The following KDM7A variants were observed in gnomAD, a reference collection of about 807,000 sequenced individuals.
KDM7A encodes the protein lysine demethylase 7A.
A neutral mutation model predicts 114.8 loss-of-function variants in KDM7A; 28 were observed. The ratio of observed to expected loss-of-function variants is 0.24; its 90% confidence interval spans 0.18 to 0.33. The LOEUF is 0.33. KDM7A is among the 10% of genes least tolerant of loss of function. KDM7A has a pLI of 1.00. For synonymous variants in KDM7A, 423 were observed against 397.8 expected, an observed-to-expected ratio of 1.06 and a Z score of -0.75; for missense variants, 942 against 1,142.5, an observed-to-expected ratio of 0.82 and a Z score of 2.53.
chr7:140,127,077 A>G (rs1322700085), intron 5 of KDM7A, among the ~76,000 whole-genome samples: 2 of 152,188 alleles, frequency 1.3e-5, no homozygotes, highest in Admixed American at 1.3e-4. Flanking sequence ...CTCGTGCCTC[A>G]GCCTCTCTGA....
At chr7:140,094,018 T>A (rs1490292993) in intron 18 of KDM7A, 38 bp downstream of exon 18, 2 of 1,229,868 alleles carry the variant, frequency 1.6e-6, no homozygotes, top group African/African-American at 3.0e-5. Context: ...TAATGATCAT[T>A]TTAAATCTCC....
chr7:140,106,111 T>C (rs1353073279), intron 11 of KDM7A, among the ~76,000 whole-genome samples: 4 of 152,242 alleles, frequency 2.6e-5, no homozygotes, highest in Admixed American at 2.0e-4. Flanking sequence ...TGGTAGTTTG[T>C]ATTTCTGTGG....
chr7:140,110,969 A>C (rs889792788), intron 11 of KDM7A, 126 bp downstream of exon 11: 3 of 519,570 alleles, frequency 5.8e-6, no homozygotes, highest in Non-Finnish European at 9.9e-6. Context: ...ACCTCCAAAG[A>C]CTCAGCTCAT....
At chr7:140,104,852 G>A (rs1261660518) in intron 11 of KDM7A, among the ~76,000 whole-genome samples, 5 of 152,112 alleles carry the variant, frequency 3.3e-5, no homozygotes, top group Non-Finnish European at 7.4e-5. Flanking sequence ...AGCTTGATGG[G>A]GATGGCATTG....
At chr7:140,129,949 G>T (rs189170569) in intron 3 of KDM7A, among the ~76,000 whole-genome samples, 2 of 152,238 alleles carry the variant, frequency 1.3e-5, no homozygotes, top group Admixed American at 6.5e-5. Context: ...TGTACAAGTT[G>T]AGTATCCCTA....
intron 11 of KDM7A, 77 bp downstream of exon 11, chr7:140,111,018 G>T: frequency 1.3e-6 from 1 of 781,082 alleles, no homozygotes. Context: ...TTAAATATTT[G>T]TAGAGAGTGG....
At chr7:140,139,494 T>C (rs1394070752) in intron 1 of KDM7A, among the ~76,000 whole-genome samples, 1 of 152,102 alleles carries the variant, frequency 6.6e-6, no homozygotes, top group Non-Finnish European at 1.5e-5. Context: ...TTATTAAATG[T>C]CAATAAAATG....
intron 1 of KDM7A, among the ~76,000 whole-genome samples, chr7:140,144,733 A>C (rs1339221012): frequency 6.6e-6 from 1 of 151,772 alleles, no homozygotes; most frequent in Non-Finnish European, 1.5e-5. Context: ...ACACACACAC[A>C]CACACCCTCA....
Position 140,092,063 on chromosome 7 carries a change from G to C in KDM7A, c.2472C>G (p.Ser824Arg), listed in dbSNP as rs1162436935. ...AACCTTCCTTTCTGATGCATTTCTG[G>C]CTTCTACTTAGATCCTGAAGGAGGA... is the stretch of plus-strand genomic sequence containing the variant. ...SRFHPQDLSR[S>R]QKCIRKEGSS... Residue 824 changes from serine to arginine, a missense_variant, in exon 19 of 20, where the codon AGC (serine) becomes AGG (arginine). Ser to Arg is a moderately radical substitution (Grantham distance 110). Coordinates refer to ENST00000397560, the MANE Select transcript of KDM7A (RefSeq NM_030647.2). 3 of 1,614,034 alleles carry C rather than the reference G, an allele frequency of 1.9e-6. No homozygotes were observed. The highest frequency in any genetic ancestry group is 2.2e-5 in the East Asian group (1 of 44,878).
chr7:140,109,271 A>G (rs1243557667), intron 11 of KDM7A, among the ~76,000 whole-genome samples: 1 of 152,154 alleles, frequency 6.6e-6, no homozygotes, highest in East Asian at 1.9e-4. Context: ...GGCTGCACCC[A>G]CTGTCCAACA....
At chr7:140,164,208 C>A (rs1794549986) in intron 1 of KDM7A, among the ~76,000 whole-genome samples, 1 of 152,070 alleles carries the variant, frequency 6.6e-6, no homozygotes, top group Non-Finnish European at 1.5e-5. Flanking sequence ...CGGCAAAATC[C>A]AGAAAGTGGG....
intron 1 of KDM7A, among the ~76,000 whole-genome samples, chr7:140,166,317 G>A (rs1223023318): frequency 6.7e-6 from 1 of 150,160 alleles, no homozygotes; most frequent in Non-Finnish European, 1.5e-5. Flanking sequence ...ACATAAAATT[G>A]AGGAATACTT....
At chr7:140,132,929 T>C (rs776748351) in intron 3 of KDM7A, among the ~76,000 whole-genome samples, 31 of 152,350 alleles carry the variant, frequency 2.0e-4, no homozygotes, top group Non-Finnish European at 3.7e-4. Context: ...TAAAAGCCTA[T>C]TAAGCATTAT....
rs1213155939 is a variant in KDM7A, at chr7:140,176,774, C to T, written c.164G>A (p.Cys55Tyr). 1 of 1,415,184 alleles carries T rather than the reference C, an allele frequency of 7.1e-7. No homozygotes were observed. 87.7% of individuals were successfully genotyped at this position (1,415,184 alleles called of 1,614,324 possible). The change falls in exon 1 of 20, where the codon TGC (cysteine) becomes TAC (tyrosine). Residue 55 changes from cysteine (C) to tyrosine (Y), a missense_variant. Cys to Tyr is a radical substitution (Grantham distance 194, BLOSUM62 -2). Transcript: ENST00000397560. This position sits in a 1 kb window ranked among gnomAD's most constrained non-coding sequence, Gnocchi z 4.4. ...PYDVNRFMIE[C>Y]DICKDWFHGS... ...GTGGAACCAGTCCTTGCAGATATCG[C>T]ACTCGATCATGAAGCGGTTCACGTC...
In KDM7A at chr7:140,091,920, C is replaced by T; in HGVS notation, c.2615G>A (p.Ser872Asn). 1 of 1,614,008 alleles carries T rather than the reference C, an allele frequency of 6.2e-7. No homozygotes were observed. Among genetic ancestry groups the T allele is most frequent in the Non-Finnish European group, 8.5e-7 (1 of 1,180,000 alleles). ...SNLTSGACQISNGSLSPERPV... is the reference protein window; with the variant it reads ...SNLTSGACQINNGSLSPERPV... ...CCTTTCTGGGCTTAGACTGCCATTACTTATCTGGCACGCCCCCGAAGTCAG... is the reference window on the plus strand; with the variant it reads ...CCTTTCTGGGCTTAGACTGCCATTATTTATCTGGCACGCCCCCGAAGTCAG... Residue 872 changes from serine (S) to asparagine (N), a missense_variant, in exon 19 of 20, where the codon AGT (serine) becomes AAT (asparagine). Ser to Asn is a conservative substitution (Grantham distance 46). Coordinates refer to ENST00000397560, the MANE Select transcript of KDM7A (RefSeq NM_030647.2).
intron 1 of KDM7A, among the ~76,000 whole-genome samples, chr7:140,174,608 T>C (rs1411668500): frequency 1.3e-5 from 2 of 152,234 alleles, no homozygotes; most frequent in Non-Finnish European, 2.9e-5. Flanking sequence ...AGTTTCTTTT[T>C]TCTTTTTTTT....
chr7:140,093,179 G>C (rs1000135774), intron 18 of KDM7A, among the ~76,000 whole-genome samples: 1 of 152,178 alleles, frequency 6.6e-6, no homozygotes, highest in South Asian at 2.1e-4. Flanking sequence ...TCCTCCTCCA[G>C]GGATTTTAAT....
intron 10 of KDM7A, among the ~76,000 whole-genome samples, chr7:140,112,706 T>C (rs1404902802): frequency 2.0e-5 from 3 of 150,614 alleles, no homozygotes; most frequent in African/African-American, 7.3e-5. Context: ...TTCCATGGAG[T>C]TATAATAAAG....
Position 140,142,814 on chromosome 7 carries a change from G to A in KDM7A, c.195-3624C>T, listed in dbSNP as rs545934266. Reference sequence around the variant, plus strand: ...CCAGGATACCTACCTATACAAAACCGCTTATAGAATCATTATTTGTGAAGT... The same window carrying A: ...CCAGGATACCTACCTATACAAAACCACTTATAGAATCATTATTTGTGAAGT... On this transcript the variant is annotated intron_variant, in intron 1 of 19. Coordinates refer to ENST00000397560, the MANE Select transcript of KDM7A (RefSeq NM_030647.2). Among the ~76,000 whole-genome samples, 155 of 151,920 alleles carry A rather than the reference G, an allele frequency of 1.0e-3. 1 individual carries two copies. Among genetic ancestry groups the A allele is most frequent in the Admixed American group, 2.6e-3 (39 of 15,260 alleles).
Sources: gnomAD v4.1 joint callset for allele counts (sites outside exome capture counted in the v4.1 genomes callset) on GRCh38, gnomAD v4.1.1 for gene constraint, Gnocchi (gnomAD v3.1) non-coding constraint, MANE v1.5 for transcripts, NCBI Gene and HGNC (gene_info 2026-07-23, HGNC 2026-07-21) for gene names.